DYM: variants seen among roughly 807,000 people sequenced by gnomAD.
DYM encodes dymeclin.
DYM carries 78 observed loss-of-function variants against 93.1 expected under a neutral mutation model. The observed-to-expected ratio is 0.84, with a 90% CI of 0.70 to 1.01. The LOEUF is 1.01. Ranked by LOEUF, DYM falls within the 50% of genes least tolerant of loss-of-function variation. The pLI is 0.00. For missense variants in DYM, 789 were observed against 845.0 expected (o/e 0.93, Z 0.82); for synonymous variants, 321 against 319.7 (o/e 1.00, Z -0.04).
chr18:49,313,341 T>C (rs2061713048), intron 8 of DYM, among the ~76,000 whole-genome samples: 1 of 151,508 alleles, frequency 6.6e-6, no homozygotes, highest in Non-Finnish European at 1.5e-5. Flanking sequence ...CGCACACCTG[T>C]AATCCCAGTT....
At chr18:49,231,784 T>A (rs1473657636) in intron 13 of DYM, among the ~76,000 whole-genome samples, 1 of 152,226 alleles carries the variant, frequency 6.6e-6, no homozygotes, top group East Asian at 1.9e-4. Context: ...CTAGCACATC[T>A]GGAGCTAAAA....
rs764679039 is a variant in DYM, at chr18:49,446,397, A to G, written c.-54+14001T>C. 5.1e-4 allele frequency among the ~76,000 whole-genome samples: 78 copies of G among 152,254 alleles called. 2 individuals are homozygous for G. The highest frequency in any genetic ancestry group is 2.0e-4 in the Admixed American group (3 of 15,294). On this transcript the variant is annotated intron_variant, in intron 1 of 17. Transcript: ENST00000675505. Reference sequence around the variant, plus strand: ...ATTATTATTTACCTTTTCTAACAATATACAAGTATTACTTTAAGTAGAAAA... The same window carrying G: ...ATTATTATTTACCTTTTCTAACAATGTACAAGTATTACTTTAAGTAGAAAA...
chr18:49,365,250 G>A (rs553673886), intron 5 of DYM, among the ~76,000 whole-genome samples: 1 of 152,060 alleles, frequency 6.6e-6, no homozygotes, highest in African/African-American at 2.4e-5. Flanking sequence ...TTGCCACAAA[G>A]AACTGGCACA....
At chr18:49,398,674 T>A (rs993503170) in intron 2 of DYM, among the ~76,000 whole-genome samples, 6 of 152,236 alleles carry the variant, frequency 3.9e-5, no homozygotes, top group Non-Finnish European at 8.8e-5. Context: ...GTTCCTGATC[T>A]TGGATTCTAT....
At chr18:49,314,457 T>C (rs1271334890) in intron 8 of DYM, among the ~76,000 whole-genome samples, 1 of 152,230 alleles carries the variant, frequency 6.6e-6, no homozygotes, top group East Asian at 1.9e-4. Context: ...GGTACACACG[T>C]GCGAATTCCT....
chr18:49,179,437 T>A (rs925549549), intron 14 of DYM, among the ~76,000 whole-genome samples: 4 of 152,156 alleles, frequency 2.6e-5, no homozygotes, highest in Non-Finnish European at 4.4e-5. Context: ...ACTTAAAATG[T>A]CACCTAATGT....
intron 13 of DYM, among the ~76,000 whole-genome samples, chr18:49,225,900 T>A (rs1278115079): frequency 6.6e-6 from 1 of 152,160 alleles, no homozygotes; most frequent in Non-Finnish European, 1.5e-5. Flanking sequence ...TTTCTGATTT[T>A]AAAATATTGT....
rs1368959790 is a variant in DYM, at chr18:49,264,094, G to T, written c.1252-5601C>A. 3.0e-5 allele frequency among the ~76,000 whole-genome samples: 4 copies of T among 131,452 alleles called. No homozygotes were observed. In the South Asian group the frequency reaches 7.8e-4, roughly 26 times the overall value. The allele number at this position is 131,452 out of a possible 152,430, so 86.2% of individuals were successfully genotyped here. A position where few individuals can be genotyped will look rare whatever the true frequency, so the allele number is the denominator to read the frequency against. The stretch of plus-strand genomic sequence containing the variant: ...GGCAGCCACTATCCTGAAATTGGAT[G>T]GGCGTTGTTTTTTTTTTTTTTTTGA... On this transcript the variant is annotated intron_variant, in intron 11 of 17. Transcript: ENST00000675505.
At chr18:49,205,063 C>T (rs1452494492) in intron 14 of DYM, among the ~76,000 whole-genome samples, 1 of 152,112 alleles carries the variant, frequency 6.6e-6, no homozygotes, top group East Asian at 1.9e-4. Flanking sequence ...TGGGTTCAAG[C>T]GATTCTCCTG....
chr18:49,389,394 A>G (rs924868478), intron 3 of DYM, among the ~76,000 whole-genome samples: 4 of 152,184 alleles, frequency 2.6e-5, no homozygotes, highest in Non-Finnish European at 4.4e-5. Context: ...AAATACAAAA[A>G]TATCAACAAT....
intron 2 of DYM, among the ~76,000 whole-genome samples, chr18:49,426,771 GT>G (rs2074337736): frequency 6.7e-6 from 1 of 148,958 alleles, no homozygotes; most frequent in Non-Finnish European, 1.5e-5. Context: ...GTGTGTGTGT[GT>G]GTGTGTGTGT....
chr18:49,379,761 G>A lies in DYM; in HGVS notation c.194-3C>T. 6.2e-7 allele frequency: 1 copy of A among 1,607,356 alleles called. No homozygotes were observed. Reference sequence around the variant, plus strand: ...TCCTGTTCGAGGATTGTTTTCAACTGCAAGAGAAGAAAAGGTTTTAAAAAG... The same window carrying A: ...TCCTGTTCGAGGATTGTTTTCAACTACAAGAGAAGAAAAGGTTTTAAAAAG... On this transcript the variant is annotated splice_polypyrimidine_tract_variant and splice_region_variant and intron_variant, in intron 3 of 17. Transcript: ENST00000675505.
In DYM at chr18:49,039,041, G is replaced by A. The variant is rs1377004069; in HGVS notation, c.*5014C>T. Among the ~76,000 whole-genome samples the A allele has an allele frequency of 3.9e-5, 6 of 152,182 alleles. No individual in the cohort carries two copies. Among genetic ancestry groups the A allele is most frequent in the East Asian group, 1.9e-4 (1 of 5,182 alleles). ...ATCTTTCCTAGGGCTCTGTCCTTAC[G>A]TTTGGGATTATTTTCCTTCTGCCTG... On this transcript the variant is annotated 3_prime_UTR_variant, in exon 18 of 18. Transcript: ENST00000675505.
At chr18:49,268,408 A>G (rs952432817) in intron 11 of DYM, among the ~76,000 whole-genome samples, 10 of 152,208 alleles carry the variant, frequency 6.6e-5, no homozygotes, top group Non-Finnish European at 7.3e-5. Flanking sequence ...ACTGAACTCA[A>G]TGTGAACTGA....
intron 13 of DYM, among the ~76,000 whole-genome samples, chr18:49,220,013 T>C (rs956073536): frequency 1.3e-5 from 2 of 151,658 alleles, no homozygotes; most frequent in Non-Finnish European, 1.5e-5. Flanking sequence ...CCCCATTGTC[T>C]CAGCCCAAAA....
intron 10 of DYM, among the ~76,000 whole-genome samples, chr18:49,276,808 A>C (rs1419585300): frequency 6.6e-6 from 1 of 152,104 alleles, no homozygotes. Flanking sequence ...ACTCTAATAT[A>C]CTCACTCTGG....
At chr18:49,266,777 T>C (rs988053905) in intron 11 of DYM, among the ~76,000 whole-genome samples, 11 of 152,236 alleles carry the variant, frequency 7.2e-5, no homozygotes, top group African/African-American at 2.7e-4. Context: ...AGTTTGACTT[T>C]AATGTATTTT....
In DYM at chr18:49,311,789, C is replaced by T. The variant is rs545799453; in HGVS notation, c.763+20075G>A. Among the ~76,000 whole-genome samples the T allele has an allele frequency of 9.3e-5, 14 of 151,100 alleles. No homozygotes were observed. In the South Asian group the frequency reaches 1.3e-3, roughly 14 times the overall value. Reference sequence around the variant, plus strand: ...ATACCTAATGTAAATGATGGGTTAACGGGTGCAGCACACCAACATGGCACA... The same window carrying T: ...ATACCTAATGTAAATGATGGGTTAATGGGTGCAGCACACCAACATGGCACA... On this transcript the variant is annotated intron_variant, in intron 8 of 17. Coordinates refer to ENST00000675505, the MANE Select transcript of DYM (RefSeq NM_001353214.3).
In DYM at chr18:49,396,107, G is replaced by C. The variant is rs541437629; in HGVS notation, c.141-4462C>G. Among the ~76,000 whole-genome samples, 25 of 152,290 alleles carry C rather than the reference G, an allele frequency of 1.6e-4. No individual in the cohort carries two copies. The East Asian group carries it at 4.8e-3, about 29-fold the overall frequency. On this transcript the variant is annotated intron_variant, in intron 2 of 17. Transcript: ENST00000675505. The stretch of plus-strand genomic sequence containing the variant: ...CCTTCACCTTCTGCCATGAGTGGAA[G>C]CAGCCTGAGGCCCTCATCAGATGCA...
Sources: gnomAD v4.1 joint callset for allele counts (sites outside exome capture counted in the v4.1 genomes callset) on GRCh38, gnomAD v4.1.1 for gene constraint, MANE v1.5 for transcripts, NCBI Gene and HGNC (gene_info 2026-07-23, HGNC 2026-07-21) for gene names.